Variants in PDE10A observed in about 807,000 individuals in gnomAD.
PDE10A encodes phosphodiesterase 10A, also known as cAMP and cAMP-inhibited cGMP 3',5'-cyclic phosphodiesterase 10A.
Under a neutral mutation model 97.7 loss-of-function variants are expected in PDE10A, and 39 were observed. The observed-to-expected ratio is 0.40, with a 90% CI of 0.31 to 0.52. The LOEUF (loss-of-function observed/expected upper bound fraction) is 0.52, where lower values mean the gene tolerates loss of function less well. Among genes scored for constraint, PDE10A ranks in the 20% least tolerant of loss-of-function variants. The probability of loss-of-function intolerance (pLI) is 0.56; values close to 1 mark genes in which losing one functional copy is unlikely to be tolerated. For missense variants in PDE10A, 731 were observed against 1,047.8 expected, an observed-to-expected ratio of 0.70 and a Z score of 4.17; for synonymous variants, 371 against 376.8, an observed-to-expected ratio of 0.98 and a Z score of 0.18.
intron 1 of PDE10A, among the ~76,000 whole-genome samples, chr6:165,931,181 T>C (rs1301817708): frequency 6.6e-6 from 1 of 152,096 alleles, no homozygotes; most frequent in African/African-American, 2.4e-5. Context: ...ACTTCAGGAG[T>C]CTTTCTTGCC....
At chr6:165,525,987 T>A (rs1172580561) in intron 2 of PDE10A, among the ~76,000 whole-genome samples, 1 of 152,152 alleles carries the variant, frequency 6.6e-6, no homozygotes, top group African/African-American at 2.4e-5. Flanking sequence ...CTCAATTAAT[T>A]TCCAGACTTT....
intron 1 of PDE10A, among the ~76,000 whole-genome samples, chr6:165,715,002 G>T (rs774667006): frequency 2.0e-5 from 3 of 152,264 alleles, no homozygotes; most frequent in Non-Finnish European, 2.9e-5. Context: ...TGAACTGAGA[G>T]CTCTGGGTGC....
intron 1 of PDE10A, among the ~76,000 whole-genome samples, chr6:165,566,886 T>C (rs373920898): frequency 6.6e-6 from 1 of 152,282 alleles, no homozygotes; most frequent in East Asian, 1.9e-4. Flanking sequence ...CATTGAAAAA[T>C]TGTTTGGCAG....
chr6:165,521,661 A>G (rs996970299), intron 2 of PDE10A, among the ~76,000 whole-genome samples: 4 of 152,194 alleles, frequency 2.6e-5, no homozygotes, highest in Non-Finnish European at 5.9e-5. Context: ...CAAGGCTCTA[A>G]TTCTCTTCAA....
chr6:165,804,884 G>C (rs1427283159), intron 1 of PDE10A, among the ~76,000 whole-genome samples: 1 of 151,914 alleles, frequency 6.6e-6, no homozygotes, highest in Non-Finnish European at 1.5e-5. Flanking sequence ...AGCGCGCGGA[G>C]GGGAGTGGGG....
intron 19 of PDE10A, among the ~76,000 whole-genome samples, chr6:165,342,032 ATC>A (rs1258310113): frequency 2.0e-5 from 3 of 152,148 alleles, no homozygotes; most frequent in African/African-American, 7.2e-5. Flanking sequence ...TTAACACGGC[ATC>A]TGTTTGTTTA....
In PDE10A at chr6:165,633,043, T is replaced by G. The variant is rs1304610647; in HGVS notation, c.865+28904A>C. Among the ~76,000 whole-genome samples the G allele has an allele frequency of 2.7e-5, 4 of 145,666 alleles. No homozygotes were observed. In the East Asian group the frequency reaches 6.1e-4, roughly 22 times the overall value. ...TCCTTCACAACTTCTGGAAATAGCATACCATACTTCTGAGAAGAAAGAAAA... is the reference window on the plus strand; with the variant it reads ...TCCTTCACAACTTCTGGAAATAGCAGACCATACTTCTGAGAAGAAAGAAAA... On this transcript the variant is annotated intron_variant, in intron 1 of 21. Coordinates refer to ENST00000539869, the MANE Select transcript of PDE10A (RefSeq NM_001385079.1).
chr6:165,448,429 C>A (rs1791023863), intron 5 of PDE10A, among the ~76,000 whole-genome samples: 1 of 152,116 alleles, frequency 6.6e-6, no homozygotes, highest in South Asian at 2.1e-4. Context: ...GCTGAGAATC[C>A]CCATTCCTTG....
intron 1 of PDE10A, among the ~76,000 whole-genome samples, chr6:165,719,140 T>C (rs760041185): frequency 1.3e-5 from 2 of 151,868 alleles, no homozygotes; most frequent in Non-Finnish European, 2.9e-5. Flanking sequence ...TAAGAAACTT[T>C]GAGGATTAAT....
Position 165,367,026 on chromosome 6 carries a change from A to T in PDE10A, c.2783+12168T>A, listed in dbSNP as rs1460559028. On this transcript the variant is annotated intron_variant, in intron 18 of 21. Coordinates refer to ENST00000539869, the MANE Select transcript of PDE10A (RefSeq NM_001385079.1). ...CTGTCTAGAGTAAAATCAGTCAACA[A>T]GACAAAACTCATAGAAAACCCAGAT... Among the ~76,000 whole-genome samples, 3 of 152,194 alleles carry T rather than the reference A, an allele frequency of 2.0e-5. No individual in the cohort carries two copies. The South Asian group carries it at 6.2e-4, about 32-fold the overall frequency.
At chr6:165,933,286 T>G (rs1562804504) in intron 1 of PDE10A, among the ~76,000 whole-genome samples, 1 of 152,040 alleles carries the variant, frequency 6.6e-6, no homozygotes, top group Non-Finnish European at 1.5e-5. Flanking sequence ...GGGAAGAGAA[T>G]TGGCTGAGAA....
At chr6:165,836,840 CA>C (rs1162777775) in intron 1 of PDE10A, among the ~76,000 whole-genome samples, 1 of 151,996 alleles carries the variant, frequency 6.6e-6, no homozygotes, top group Non-Finnish European at 1.5e-5. Flanking sequence ...AAATGTGGCA[CA>C]TATACACCAA....
chr6:165,448,860 T>C (rs1390723724), intron 5 of PDE10A, 68 bp downstream of exon 5: 3 of 955,748 alleles, frequency 3.1e-6, no homozygotes, highest in Middle Eastern at 2.2e-4. Context: ...CGGTTGTTTA[T>C]AACTTTTTTA....
At chr6:165,423,902 C>G (rs190973166) in intron 10 of PDE10A, among the ~76,000 whole-genome samples, 1 of 152,058 alleles carries the variant, frequency 6.6e-6, no homozygotes, top group East Asian at 1.9e-4. Flanking sequence ...AATAAATCTT[C>G]CGTATTATAA....
intron 1 of PDE10A, among the ~76,000 whole-genome samples, chr6:165,654,788 C>T (rs560297149): frequency 1.1e-4 from 16 of 152,256 alleles, no homozygotes; most frequent in East Asian, 7.8e-4. Flanking sequence ...AGGCCACGGA[C>T]GACCTCCTGG....
At chr6:165,666,433 TAAGC>T (rs1790497506), upstream of PDE10A, among the ~76,000 whole-genome samples, 1 of 152,224 alleles carries the variant, frequency 6.6e-6, no homozygotes, top group Admixed American at 6.5e-5. Context: ...AAATAAATCA[TAAGC>T]AAGTGTTTAT....
At chr6:165,824,857 C>T (rs187338189) in intron 1 of PDE10A, among the ~76,000 whole-genome samples, 35 of 150,130 alleles carry the variant, frequency 2.3e-4, no homozygotes, top group Admixed American at 3.3e-4. Context: ...TGGCTGGGTG[C>T]GGTGGCTCAT....
rs144880693 is a variant in PDE10A at position 165,368,048 on chromosome 6, T to C, written c.2783+11146A>G. On this transcript the variant is annotated intron_variant, in intron 18 of 21. Coordinates refer to ENST00000539869, the MANE Select transcript of PDE10A (RefSeq NM_001385079.1). The stretch of plus-strand genomic sequence containing the variant: ...TCTTGCTCTGTAGCCCAGACTGGAG[T>C]GCAGTGGCATGGTCTTGGCTCACTG... 1.3e-4 allele frequency among the ~76,000 whole-genome samples: 20 copies of C among 152,314 alleles called. 1 individual carries two copies. In the East Asian group the frequency reaches 3.9e-3, roughly 29 times the overall value.
intron 1 of PDE10A, among the ~76,000 whole-genome samples, chr6:165,902,425 A>G (rs1001209135): frequency 5.3e-5 from 8 of 152,156 alleles, no homozygotes; most frequent in Admixed American, 5.2e-4. Context: ...TTTTATCCCA[A>G]TTGGTGGGTT....
Sources: gnomAD v4.1 joint callset for allele counts (sites outside exome capture counted in the v4.1 genomes callset) on GRCh38, gnomAD v4.1.1 for gene constraint, MANE v1.5 for transcripts, NCBI Gene and HGNC (gene_info 2026-07-23, HGNC 2026-07-21) for gene names.